ATP1B3: variants seen among roughly 807,000 people sequenced by gnomAD.
ATP1B3 encodes sodium/potassium-transporting ATPase subunit beta-3.
A neutral mutation model predicts 30.2 loss-of-function variants in ATP1B3; 10 were observed. That is an observed-to-expected ratio of 0.33 (90% CI 0.20 to 0.56). The LOEUF is 0.56. Among genes scored for constraint, ATP1B3 ranks in the 20% least tolerant of loss-of-function variants. ATP1B3 has a pLI of 0.90. For synonymous variants in ATP1B3, 113 were observed against 117.0 expected (o/e 0.97, Z 0.22); for missense variants, 238 against 336.7 (o/e 0.71, Z 2.29).
Position 141,878,486 on chromosome 3 carries a change from C to A in ATP1B3, c.109+1576C>A, listed in dbSNP as rs7619864. 6.9e-3 allele frequency among the ~76,000 whole-genome samples: 1,046 copies of A among 152,318 alleles called. 11 individuals are homozygous for A. The highest frequency in any genetic ancestry group is 0.024 in the African/African-American group (988 of 41,562). ...TTAATTTTGATAGGCTACCTTCCTC[C>A]CTTTCTCCCTTCCCCAGTGCTTCCT... On this transcript the variant is annotated intron_variant, in intron 1 of 6. Coordinates refer to ENST00000286371, the MANE Select transcript of ATP1B3 (RefSeq NM_001679.4).
At chr3:141,924,677 G>A (rs1174769387) in intron 6 of ATP1B3, among the ~76,000 whole-genome samples, 2 of 151,860 alleles carry the variant, frequency 1.3e-5, no homozygotes, top group African/African-American at 2.4e-5. Flanking sequence ...ATAAGGGTCG[G>A]GTGTGGCGGC....
At chr3:141,908,203 T>G (rs1042003658) in intron 3 of ATP1B3, among the ~76,000 whole-genome samples, 2 of 152,066 alleles carry the variant, frequency 1.3e-5, no homozygotes, top group African/African-American at 2.4e-5. Flanking sequence ...TGTGTCTGAT[T>G]TTTAATACAT....
Position 141,876,748 on chromosome 3 carries a change from C to G in ATP1B3, c.-54C>G. Reference sequence around the variant, plus strand: ...GGAGCCGGGACGCGCCTCCGCAGCCCTCGCCGCCTCCATCCCCGCGGCCGC... The same window carrying G: ...GGAGCCGGGACGCGCCTCCGCAGCCGTCGCCGCCTCCATCCCCGCGGCCGC... On this transcript the variant is annotated 5_prime_UTR_variant, in exon 1 of 7. Transcript: ENST00000286371. 1 of 1,456,478 alleles carries G rather than the reference C, an allele frequency of 6.9e-7. No individual in the cohort carries two copies. Among genetic ancestry groups the G allele is most frequent in the Non-Finnish European group, 9.4e-7 (1 of 1,058,902 alleles). The allele number at this position is 1,456,478 out of a possible 1,614,324, so 90.2% of individuals were successfully genotyped here.
intron 1 of ATP1B3, among the ~76,000 whole-genome samples, chr3:141,900,643 C>T (rs1312764824): frequency 1.3e-5 from 2 of 152,112 alleles, no homozygotes; most frequent in Non-Finnish European, 2.9e-5. Flanking sequence ...GAGCCCGTAG[C>T]ATGGGGTAGT....
At chr3:141,903,597 A>T in intron 1 of ATP1B3, 23 bp from the exon 2 acceptor site, 1 of 1,612,396 alleles carries the variant, frequency 6.2e-7, no homozygotes, top group Non-Finnish European at 8.5e-7. Context: ...TGCACATTTC[A>T]TAAGTTTTAT....
intron 1 of ATP1B3, among the ~76,000 whole-genome samples, chr3:141,890,800 T>G (rs953520243): frequency 6.6e-6 from 1 of 152,232 alleles, no homozygotes; most frequent in Non-Finnish European, 1.5e-5. Context: ...CTCAAACTCC[T>G]GAGCTGAAGC....
chr3:141,893,448 A>C (rs917513468), intron 1 of ATP1B3, among the ~76,000 whole-genome samples: 1 of 151,818 alleles, frequency 6.6e-6, no homozygotes, highest in Admixed American at 6.6e-5. Flanking sequence ...TTTCCTGTGG[A>C]GTTCCTATTA....
intron 1 of ATP1B3, among the ~76,000 whole-genome samples, chr3:141,889,829 A>G (rs1410177423): frequency 6.9e-6 from 1 of 144,422 alleles, no homozygotes; most frequent in Non-Finnish European, 1.5e-5. Context: ...ATATACATAT[A>G]CATATATATA....
intron 1 of ATP1B3, among the ~76,000 whole-genome samples, chr3:141,895,122 T>A (rs7613107): frequency 6.6e-6 from 1 of 151,098 alleles, no homozygotes; most frequent in Non-Finnish European, 1.5e-5. Flanking sequence ...ATGTTTTTTT[T>A]GGGGGGAGGG....
At chr3:141,903,519 G>A (rs1168046084) in intron 1 of ATP1B3, 101 bp from the exon 2 acceptor site, 20 of 1,520,562 alleles carry the variant, frequency 1.3e-5, no homozygotes, top group Middle Eastern at 2.1e-4. Context: ...GCTTGGGATC[G>A]TACCCTTGCA....
intron 5 of ATP1B3, chr3:141,918,809 G>C (rs1398600353): frequency 1.3e-5 from 2 of 152,140 alleles, no homozygotes; most frequent in African/African-American, 4.8e-5. Flanking sequence ...ATAGTTGGGG[G>C]AAATGTTAAT....
At chr3:141,886,302 C>T (rs2107764701) in intron 1 of ATP1B3, among the ~76,000 whole-genome samples, 1 of 152,230 alleles carries the variant, frequency 6.6e-6, no homozygotes, top group Middle Eastern at 3.4e-3. Context: ...TGTTCCTTCC[C>T]CAATCTCTTC....
intron 6 of ATP1B3, among the ~76,000 whole-genome samples, chr3:141,924,671 G>A (rs1184795952): frequency 2.0e-5 from 3 of 151,416 alleles, no homozygotes; most frequent in African/African-American, 7.3e-5. Context: ...ATAATGATAA[G>A]GGTCGGGTGT....
chr3:141,881,932 C>T (rs1008427184), intron 1 of ATP1B3, among the ~76,000 whole-genome samples: 11 of 152,018 alleles, frequency 7.2e-5, no homozygotes, highest in African/African-American at 2.7e-4. Flanking sequence ...AGGAAGTAGT[C>T]CTGTGGTGGG....
At chr3:141,919,133 C>G (rs1284490722) in intron 5 of ATP1B3, 1 of 152,194 alleles carries the variant, frequency 6.6e-6, no homozygotes, top group East Asian at 1.9e-4. Flanking sequence ...TTGTCTATGT[C>G]AAGCGTTCTT....
rs1402983950 is a variant in ATP1B3 at position 141,876,913 on chromosome 3, G to A, written c.109+3G>A. 1 of 1,563,002 alleles carries A rather than the reference G, an allele frequency of 6.4e-7. No homozygotes were observed. Among genetic ancestry groups the A allele is most frequent in the African/African-American group, 1.4e-5 (1 of 70,190 alleles). On this transcript the variant is annotated splice_donor_region_variant and intron_variant, in intron 1 of 6. Transcript: ENST00000286371. ...GGGGCGCACCGCCAAGAGCTGGGGT[G>A]AGCGGGCAGCAGCTGGGCGTCCGGG...
chr3:141,889,762 C>A (rs200139701), intron 1 of ATP1B3, among the ~76,000 whole-genome samples: 10 of 94,058 alleles, frequency 1.1e-4, no homozygotes, highest in African/African-American at 1.9e-4. Context: ...TATATACACA[C>A]ACACACACAC....
intron 2 of ATP1B3, among the ~76,000 whole-genome samples, chr3:141,904,975 T>G (rs1369008042): frequency 1.3e-5 from 2 of 152,074 alleles, no homozygotes. Flanking sequence ...CCTCCCAAAG[T>G]GCTGGGATTA....
chr3:141,906,958 G>A (rs1340068476), intron 2 of ATP1B3, among the ~76,000 whole-genome samples: 2 of 152,090 alleles, frequency 1.3e-5, no homozygotes, highest in East Asian at 1.9e-4. Flanking sequence ...GTTTCTAATC[G>A]GTAATGTCTG....
Sources: allele counts gnomAD v4.1 joint callset (sites outside exome capture counted in the v4.1 genomes callset), GRCh38; gene constraint gnomAD v4.1.1; transcripts MANE v1.5; gene names NCBI Gene and HGNC (gene_info 2026-07-23, HGNC 2026-07-21).